MTR: variants seen among roughly 807,000 people sequenced by gnomAD.
The protein encoded by MTR is 5-methyltetrahydrofolate-homocysteine methyltransferase.
In MTR, 84 loss-of-function variants were observed where a neutral mutation model predicts 154.8. The ratio of observed to expected loss-of-function variants is 0.54; its 90% CI spans 0.45 to 0.65. The LOEUF (loss-of-function observed/expected upper bound fraction) is 0.65, where lower values mean the gene tolerates loss of function less well. Ranked by LOEUF, MTR falls within the 30% of genes least tolerant of loss-of-function variation. The probability of loss-of-function intolerance (pLI) is 0.00; values close to 1 mark genes in which losing one functional copy is unlikely to be tolerated. For synonymous variants in MTR, 554 were observed against 553.9 expected (o/e 1.00, Z 0.00); for missense variants, 1,275 against 1,570.2 (o/e 0.81, Z 3.18).
At chr1:236,895,974 C>T (rs192075047) in intron 31 of MTR, among the ~76,000 whole-genome samples, 49 of 152,298 alleles carry the variant, frequency 3.2e-4, no homozygotes, top group Admixed American at 2.4e-3. Context: ...TCTTGCAGAG[C>T]GCCCAGCCTT....
intron 22 of MTR, among the ~76,000 whole-genome samples, chr1:236,868,348 A>G (rs1468963897): frequency 6.6e-6 from 1 of 152,194 alleles, no homozygotes; most frequent in Non-Finnish European, 1.5e-5. Flanking sequence ...ATACTATTGC[A>G]CACATAATAG....
intron 1 of MTR, among the ~76,000 whole-genome samples, chr1:236,798,898 G>A (rs538437175): frequency 7.9e-5 from 12 of 152,292 alleles, no homozygotes; most frequent in African/African-American, 2.9e-4. Context: ...ATTCTTTTGA[G>A]CAAGTTCTGA....
chr1:236,847,891 GC>G (rs1363137858), intron 15 of MTR, among the ~76,000 whole-genome samples: 1 of 152,198 alleles, frequency 6.6e-6, no homozygotes, highest in Non-Finnish European at 1.5e-5. Context: ...AAATCCACCA[GC>G]ACGATTGAGG....
At chr1:236,848,964 A>G (rs900440439) in intron 15 of MTR, among the ~76,000 whole-genome samples, 1 of 152,160 alleles carries the variant, frequency 6.6e-6, no homozygotes, top group East Asian at 1.9e-4. Context: ...GAAGTCTGCA[A>G]TATAGATTGC....
At chr1:236,797,076 C>G (rs887829790) in intron 1 of MTR, among the ~76,000 whole-genome samples, 4 of 152,042 alleles carry the variant, frequency 2.6e-5, no homozygotes, top group Admixed American at 1.3e-4. Flanking sequence ...TGCCTAGTCC[C>G]CTCACCCCCA....
chr1:236,846,790 A>G (rs1295053919), intron 15 of MTR, among the ~76,000 whole-genome samples: 1 of 151,856 alleles, frequency 6.6e-6, no homozygotes, highest in Non-Finnish European at 1.5e-5. Flanking sequence ...TCCCTTGGAA[A>G]CTTCCTTTTC....
chr1:236,799,551 C>T lies in MTR; in HGVS notation c.34+3814C>T, dbSNP rs151179491. On this transcript the variant is annotated intron_variant, in intron 1 of 32. Transcript: ENST00000366577. ...TCACAATTCTCTTGTTTCCATAGACCGCCTTTTTCACATATATCCATATAT... is the reference window on the plus strand; with the variant it reads ...TCACAATTCTCTTGTTTCCATAGACTGCCTTTTTCACATATATCCATATAT... Among the ~76,000 whole-genome samples, 267 of 152,010 alleles carry T rather than the reference C, an allele frequency of 1.8e-3. 1 individual carries two copies. Among genetic ancestry groups the T allele is most frequent in the Non-Finnish European group, 2.8e-3 (188 of 67,986 alleles).
Position 236,795,952 on chromosome 1 carries a change from G to A in MTR, c.34+215G>A, listed in dbSNP as rs12354209. Among the ~76,000 whole-genome samples the A allele has an allele frequency of 0.69, 105,037 of 152,086 alleles. 37,102 individuals are homozygous for A. Among genetic ancestry groups the A allele is most frequent in the African/African-American group, 0.84 (34,771 of 41,520 alleles). Reference sequence around the variant, plus strand: ...CCTTCACCTCTTTCTCCCCAGGCAAGCCATCAAAACCTGCAAAAAGCGTCC... The same window carrying A: ...CCTTCACCTCTTTCTCCCCAGGCAAACCATCAAAACCTGCAAAAAGCGTCC... On this transcript the variant is annotated intron_variant, in intron 1 of 32. Transcript: ENST00000366577.
intron 14 of MTR, among the ~76,000 whole-genome samples, chr1:236,836,416 G>A (rs1365978914): frequency 1.3e-5 from 2 of 152,078 alleles, no homozygotes; most frequent in African/African-American, 4.8e-5. Flanking sequence ...AAAATTTTTA[G>A]TAGAGAGGTC....
chr1:236,825,503 A>G, intron 10 of MTR, 104 bp downstream of exon 10: 1 of 1,163,312 alleles, frequency 8.6e-7, no homozygotes, highest in East Asian at 2.4e-5. Flanking sequence ...ATCCCAATGT[A>G]CATATAACAA....
chr1:236,820,252 C>T, intron 8 of MTR: 1 of 753,802 alleles, frequency 1.3e-6, no homozygotes, highest in Non-Finnish European at 2.4e-6. Flanking sequence ...GTACAGAGAT[C>T]CTGAAGAGAT....
intron 17 of MTR, 49 bp downstream of exon 17, chr1:236,852,686 G>A (rs765432824): frequency 2.0e-6 from 3 of 1,532,534 alleles, no homozygotes; most frequent in South Asian, 1.1e-5. Context: ...TTTAGTTGGG[G>A]CAGGGGTTTT....
At position 236,803,441 on chromosome 1, in the gene MTR, A is replaced by G; in HGVS notation, c.48A>G (p.Lys16=). Residue 16 remains lysine (K), a synonymous_variant, in exon 2 of 33, where the codon AAA becomes AAG. Coordinates refer to ENST00000366577, the MANE Select transcript of MTR (RefSeq NM_000254.3). ...QDLSQPEGLK[K]TLRDEINAIL... The stretch of plus-strand genomic sequence containing the variant: ...CTTTCTTTAAAGAAGGTCTGAAGAA[A>G]ACCCTGCGGGATGAGATCAATGCCA... 6.2e-7 allele frequency: 1 copy of G among 1,614,122 alleles called. No individual in the cohort carries two copies. Among genetic ancestry groups the G allele is most frequent in the Non-Finnish European group, 8.5e-7 (1 of 1,180,004 alleles).
intron 15 of MTR, among the ~76,000 whole-genome samples, chr1:236,842,884 G>A (rs1280234090): frequency 1.3e-5 from 2 of 151,654 alleles, no homozygotes; most frequent in Non-Finnish European, 2.9e-5. Flanking sequence ...TCAGGAGTTC[G>A]AGAGTAGCCT....
Position 236,795,712 on chromosome 1 carries a change from C to T in MTR, c.9C>T (p.Pro3=), listed in dbSNP as rs201975748. 8.1e-6 allele frequency: 13 copies of T among 1,614,182 alleles called. No homozygotes were observed. Among genetic ancestry groups the T allele is most frequent in the Admixed American group, 1.7e-5 (1 of 60,038 alleles). MS[P]ALQDLSQPEG... Reference sequence around the variant, plus strand: ...GGAGGAGACTCGACAACATGTCACCCGCGCTCCAAGACCTGTCGCAACCCG... The same window carrying T: ...GGAGGAGACTCGACAACATGTCACCTGCGCTCCAAGACCTGTCGCAACCCG... The change falls in exon 1 of 33, where the codon CCC becomes CCT. Residue 3 remains proline (P), a synonymous_variant. Transcript: ENST00000366577.
rs201799064 is a variant in MTR at position 236,810,578 on chromosome 1, C to T, written c.485C>T (p.Pro162Leu). The change falls in exon 5 of 33, where the codon CCG becomes CTG. Residue 162 changes from proline (P) to leucine (L), a missense_variant. Coordinates refer to ENST00000366577, the MANE Select transcript of MTR (RefSeq NM_000254.3). ...TCTGTGTCCCCATCTGTGGAAAGGC[C>T]GGATTATAGGAACATCAGTGAGTAT... The part of the protein sequence containing the change: ...TLSVSPSVER[P>L]DYRNITFDEL... 217 of 1,613,252 alleles carry T rather than the reference C, an allele frequency of 1.3e-4. No homozygotes were observed. The highest frequency in any genetic ancestry group is 9.3e-5 in the Non-Finnish European group (110 of 1,179,512).
chr1:236,897,310 G>GCGCGCGCGCGCGCGCGCGCGCGCGCA, intron 32 of MTR, among the ~76,000 whole-genome samples, 192 bp downstream of exon 32: 1 of 128,612 alleles, frequency 7.8e-6, no homozygotes, highest in Non-Finnish European at 1.7e-5. Flanking sequence ...CCACACACAC[G>GCGCGCGCGCGCGCGCGCGCGCGCGCA]CACACACACA....
At chr1:236,842,183 G>A (rs1025126833) in intron 15 of MTR, among the ~76,000 whole-genome samples, 69 of 152,200 alleles carry the variant, frequency 4.5e-4, no homozygotes, top group African/African-American at 1.3e-3. Context: ...GAGCCACCGC[G>A]CCCGGCTGTG....
chr1:236,807,736 GT>G (rs1199760726), intron 3 of MTR, among the ~76,000 whole-genome samples: 6 of 152,062 alleles, frequency 3.9e-5, no homozygotes, highest in Admixed American at 1.3e-4. Context: ...GGTAAGCAGT[GT>G]TTTCCAGTTA....
Sources: gnomAD v4.1 joint callset for allele counts (sites outside exome capture counted in the v4.1 genomes callset) on GRCh38, gnomAD v4.1.1 for gene constraint, MANE v1.5 for transcripts, NCBI Gene and HGNC (gene_info 2026-07-23, HGNC 2026-07-21) for gene names.